SLC37A2: variants seen among roughly 807,000 people sequenced by gnomAD.
The protein encoded by SLC37A2 is solute carrier family 37 member 2, also known as glucose-6-phosphate exchanger SLC37A2.
SLC37A2 carries 59 observed loss-of-function variants against 70.7 expected under a neutral mutation model. That is an observed-to-expected ratio of 0.83 (90% CI 0.68 to 1.04). SLC37A2 has a LOEUF of 1.04. Among genes scored for constraint, SLC37A2 ranks in the 50% least tolerant of loss-of-function variants. The pLI, the probability that SLC37A2 is intolerant of heterozygous loss-of-function variation, is 0.00. For synonymous variants in SLC37A2, 257 were observed against 262.1 expected, an observed-to-expected ratio of 0.98 and a Z score of 0.19; for missense variants, 580 against 658.1, an observed-to-expected ratio of 0.88 and a Z score of 1.30.
chr11:125,076,661 T>G, intron 1 of SLC37A2, 96 bp from the exon 2 acceptor site: 1 of 1,153,518 alleles, frequency 8.7e-7, no homozygotes, highest in Non-Finnish European at 1.3e-6. Flanking sequence ...CCTCAGGCCC[T>G]GGGACTGCCA....
chr11:125,080,788 G>T lies in SLC37A2; in HGVS notation c.694+8G>T. ...TCCTCTTCCTCATCGAACGTGAGTG[G>T]GCCCCTCACTCCCCACAAGTGAGCC... On this transcript the variant is annotated splice_region_variant and intron_variant, in intron 7 of 17. Coordinates refer to ENST00000403796, the MANE Select transcript of SLC37A2 (RefSeq NM_001145290.2). The surrounding 1 kb of genome is among the most constrained non-coding windows in gnomAD (Gnocchi z 4.3). The T allele has an allele frequency of 6.9e-7, 1 of 1,453,996 alleles. No homozygotes were observed. The highest frequency in any genetic ancestry group is 2.4e-5 in the Admixed American group (1 of 42,326). The allele number at this position is 1,453,996 out of a possible 1,614,324, so 90.1% of individuals were successfully genotyped here. A position where few individuals can be genotyped will look rare whatever the true frequency, so the allele number is the denominator to read the frequency against.
At position 125,063,471 on chromosome 11, in the gene SLC37A2, C is replaced by T. The variant is rs759026427; in HGVS notation, c.59+45C>T. ...GAGGCGTGCCGGGACCTCCTGGGCT[C>T]GGGGCTTGCAGGGGCCGCGGGGGGC... is the stretch of plus-strand genomic sequence containing the variant. On this transcript the variant is annotated intron_variant, in intron 1 of 17. Transcript: ENST00000403796. This position sits in a 1 kb window ranked among gnomAD's most constrained non-coding sequence, Gnocchi z 5.4. 1.9e-6 allele frequency: 3 copies of T among 1,575,324 alleles called. No homozygotes were observed. Among genetic ancestry groups the T allele is most frequent in the Non-Finnish European group, 2.6e-6 (3 of 1,158,206 alleles).
At chr11:125,065,745 T>C (rs1791244548) in intron 1 of SLC37A2, among the ~76,000 whole-genome samples, 1 of 151,638 alleles carries the variant, frequency 6.6e-6, no homozygotes, top group Non-Finnish European at 1.5e-5. Flanking sequence ...TTTCTAATTA[T>C]GTACTGGTAA....
At chr11:125,079,268 C>T in intron 5 of SLC37A2, 21 bp downstream of exon 5, 1 of 1,613,864 alleles carries the variant, frequency 6.2e-7, no homozygotes, top group Non-Finnish European at 8.5e-7. Context: ...CCGTCTTGCA[C>T]TTGGGCCTGT....
chr11:125,076,635 G>T (rs1486793548), intron 1 of SLC37A2, 122 bp from the exon 2 acceptor site: 2 of 875,298 alleles, frequency 2.3e-6, no homozygotes, highest in Non-Finnish European at 3.7e-6. Context: ...GCACCAAGAA[G>T]GAAAGAGTTG....
intron 1 of SLC37A2, among the ~76,000 whole-genome samples, chr11:125,069,185 G>A (rs1025437126): frequency 1.3e-5 from 2 of 152,236 alleles, no homozygotes; most frequent in African/African-American, 4.8e-5. Context: ...ACTGCAAGGT[G>A]AATGTTAGCT....
chr11:125,076,733 C>T lies in SLC37A2; in HGVS notation c.60-24C>T, dbSNP rs73625344. ...CCAGCTGGGGCTGACTTCCCACTAA[C>T]GCAGATGCTGTCCCTTCCTGCAGGT... On this transcript the variant is annotated intron_variant, in intron 1 of 17. Coordinates refer to ENST00000403796, the MANE Select transcript of SLC37A2 (RefSeq NM_001145290.2). The T allele has an allele frequency of 5.5e-3, 8,855 of 1,612,122 alleles. 322 individuals are homozygous for T. In the African/African-American group the frequency reaches 0.087, roughly 16 times the overall value.
Position 125,081,572 on chromosome 11 carries a change from G to A in SLC37A2, c.732+114G>A, listed in dbSNP as rs4132183. 5.4e-3 allele frequency: 7,543 copies of A among 1,396,324 alleles called. 364 individuals carry two copies. The African/African-American group carries it at 0.097, about 18-fold the overall frequency. The allele number at this position is 1,396,324 out of a possible 1,614,324, so 86.5% of individuals were successfully genotyped here. A position where few individuals can be genotyped will look rare whatever the true frequency, so the allele number is the denominator to read the frequency against. On this transcript the variant is annotated intron_variant, in intron 8 of 17. Transcript: ENST00000403796. ...AGTTCTGGCCCTCACTGACCTCACC[G>A]ACCCAGTGCTAGGCCCATGGGTTGG...
At chr11:125,088,038 C>T in intron 17 of SLC37A2, 81 bp from the exon 18 acceptor site, 3 of 1,488,578 alleles carry the variant, frequency 2.0e-6, no homozygotes, top group Non-Finnish European at 2.8e-6. Context: ...CCCTGGGACC[C>T]TGCCTTTCCT....
In SLC37A2 at chr11:125,080,603, C is replaced by A; in HGVS notation, c.528-11C>A. ...TTTTTATACCTCTTCCCTTCTCTCCCTCCCTTCCAGGCGGGGGTTCATCAT... is the reference window on the plus strand; with the variant it reads ...TTTTTATACCTCTTCCCTTCTCTCCATCCCTTCCAGGCGGGGGTTCATCAT... On this transcript the variant is annotated splice_polypyrimidine_tract_variant and intron_variant, in intron 6 of 17. Transcript: ENST00000403796. The surrounding 1 kb of genome is among the most constrained non-coding windows in gnomAD (Gnocchi z 4.3). 1.4e-6 allele frequency: 2 copies of A among 1,478,152 alleles called. No homozygotes were observed. Among genetic ancestry groups the A allele is most frequent in the Non-Finnish European group, 1.8e-6 (2 of 1,107,756 alleles). 91.6% of individuals were successfully genotyped at this position (1,478,152 alleles called of 1,614,324 possible). A position where few individuals can be genotyped will look rare whatever the true frequency, so the allele number is the denominator to read the frequency against.
chr11:125,070,787 C>G (rs904203395), intron 1 of SLC37A2, among the ~76,000 whole-genome samples: 3 of 152,214 alleles, frequency 2.0e-5, no homozygotes, highest in East Asian at 1.9e-4. Context: ...CCCCACCCCT[C>G]GTGACAGCAG....
intron 1 of SLC37A2, among the ~76,000 whole-genome samples, chr11:125,073,994 C>T (rs924114342): frequency 6.6e-6 from 1 of 152,238 alleles, no homozygotes; most frequent in Admixed American, 6.5e-5. Context: ...AGTTTGGCAC[C>T]TGAGGCCCTG....
chr11:125,067,950 T>C (rs951301875), intron 1 of SLC37A2, among the ~76,000 whole-genome samples: 1 of 152,182 alleles, frequency 6.6e-6, no homozygotes, highest in Non-Finnish European at 1.5e-5. Context: ...TAGTAGAGTC[T>C]CATTCATGTA....
intron 1 of SLC37A2, among the ~76,000 whole-genome samples, chr11:125,070,548 G>A (rs1305817986): frequency 1.3e-5 from 2 of 152,204 alleles, no homozygotes; most frequent in African/African-American, 4.8e-5. Flanking sequence ...CTCGAAGTCT[G>A]ATGTCTGTTT....
At chr11:125,071,030 A>G (rs1949024547) in intron 1 of SLC37A2, among the ~76,000 whole-genome samples, 2 of 152,184 alleles carry the variant, frequency 1.3e-5, no homozygotes, top group African/African-American at 2.4e-5. Flanking sequence ...GTCAGGGTTG[A>G]CAGTCCCAAA....
chr11:125,079,764 A>C lies in SLC37A2; in HGVS notation c.527+4A>C, dbSNP rs748147659. 6.2e-7 allele frequency: 1 copy of C among 1,605,972 alleles called. No homozygotes were observed. The highest frequency in any genetic ancestry group is 8.5e-7 in the Non-Finnish European group (1 of 1,175,360). On this transcript the variant is annotated splice_donor_region_variant and intron_variant, in intron 6 of 17. Transcript: ENST00000403796. ...GCAACTGGTTCGGGAAGGGGAAGTG[A>C]GTGTAACAAGGGAGGAGGAGTGGGA... is the stretch of plus-strand genomic sequence containing the variant.
intron 1 of SLC37A2, among the ~76,000 whole-genome samples, chr11:125,069,302 C>G (rs1949007802): frequency 6.6e-6 from 1 of 152,240 alleles, no homozygotes; most frequent in Non-Finnish European, 1.5e-5. Context: ...CAAGATTAGT[C>G]TGACTCGTAA....
chr11:125,083,739 C>A lies in SLC37A2; in HGVS notation c.977-76C>A. 7.5e-7 allele frequency: 1 copy of A among 1,330,956 alleles called. No homozygotes were observed. The highest frequency in any genetic ancestry group is 1.1e-6 in the Non-Finnish European group (1 of 922,594). The allele number at this position is 1,330,956 out of a possible 1,614,324, so 82.4% of individuals were successfully genotyped here. On this transcript the variant is annotated intron_variant, in intron 10 of 17. Transcript: ENST00000403796. The surrounding 1 kb of genome is among the most constrained non-coding windows in gnomAD (Gnocchi z 4.6). ...GGGCAGTGGTCTGGATCACGCTCTG[C>A]AGGGCTTCTAGCTGTGACACTCCAG...
chr11:125,076,173 G>A (rs1014768713), intron 1 of SLC37A2, among the ~76,000 whole-genome samples: 7 of 152,266 alleles, frequency 4.6e-5, no homozygotes, highest in African/African-American at 1.7e-4. Flanking sequence ...AATGGGCTCT[G>A]TCCAGTGGGA....
Sources: gnomAD v4.1 joint callset for allele counts (sites outside exome capture counted in the v4.1 genomes callset) on GRCh38, gnomAD v4.1.1 for gene constraint, Gnocchi (gnomAD v3.1) non-coding constraint, MANE v1.5 for transcripts, NCBI Gene and HGNC (gene_info 2026-07-23, HGNC 2026-07-21) for gene names.